Variants in SKIDA1 observed in about 807,000 individuals in gnomAD.
SKIDA1 encodes the protein SKI/DACH domain-containing protein 1.
SKIDA1 carries 18 observed loss-of-function variants against 51.4 expected under a neutral mutation model. The observed-to-expected ratio is 0.35, with a 90% CI of 0.24 to 0.52. SKIDA1 has a LOEUF of 0.52. Among genes scored for constraint, SKIDA1 ranks in the 20% least tolerant of loss-of-function variants. The probability of loss-of-function intolerance (pLI) is 0.95; values close to 1 mark genes in which losing one functional copy is unlikely to be tolerated. For missense variants in SKIDA1, 1,104 were observed against 1,180.6 expected (o/e 0.94, Z 0.95); for synonymous variants, 579 against 500.5 (o/e 1.16, Z -2.09).
At chr10:21,523,005 G>A (rs946486780) in intron 2 of SKIDA1, among the ~76,000 whole-genome samples, 1 of 152,184 alleles carries the variant, frequency 6.6e-6, no homozygotes, top group Non-Finnish European at 1.5e-5. Context: ...TTTTACACAG[G>A]TGAGCAATAG....
At chr10:21,520,038 A>G (rs1051186785) in intron 3 of SKIDA1, among the ~76,000 whole-genome samples, 4 of 152,220 alleles carry the variant, frequency 2.6e-5, no homozygotes, top group African/African-American at 7.2e-5. Flanking sequence ...TAATCAATGT[A>G]TGTACAAACC....
Position 21,517,880 on chromosome 10 carries a change from C to A in SKIDA1, c.-58G>T. On this transcript the variant is annotated 5_prime_UTR_variant, in exon 4 of 4. Coordinates refer to ENST00000449193, the MANE Select transcript of SKIDA1 (RefSeq NM_207371.4). The surrounding 1 kb of genome is among the most constrained non-coding windows in gnomAD (Gnocchi z 6.9). ...TAAATATATACGTGACGCATACATA[C>A]ACATGTATGTATGTTAATCCTCAGC... is the stretch of plus-strand genomic sequence containing the variant. 1 of 1,441,628 alleles carries A rather than the reference C, an allele frequency of 6.9e-7. No individual in the cohort carries two copies. Among genetic ancestry groups the A allele is most frequent in the Admixed American group, 2.1e-5 (1 of 47,068 alleles). The allele number at this position is 1,441,628 out of a possible 1,614,324, so 89.3% of individuals were successfully genotyped here.
At chr10:21,524,975 T>C (rs1329224181) in intron 1 of SKIDA1, among the ~76,000 whole-genome samples, 1 of 152,168 alleles carries the variant, frequency 6.6e-6, no homozygotes, top group African/African-American at 2.4e-5. Flanking sequence ...GAGGCAGATA[T>C]AGACTAAATA....
chr10:21,523,942 C>T (rs1183781744), intron 1 of SKIDA1, 71 bp from the exon 2 acceptor site: 1 of 150,446 alleles, frequency 6.6e-6, no homozygotes, highest in Non-Finnish European at 1.5e-5. Context: ...ACACAAGTAT[C>T]ATTTCATATT....
intron 1 of SKIDA1, among the ~76,000 whole-genome samples, chr10:21,525,199 G>C: frequency 6.6e-6 from 1 of 152,162 alleles, no homozygotes; most frequent in African/African-American, 2.4e-5. Flanking sequence ...TACTATTTAG[G>C]TCGAAAAATG....
chr10:21,521,719 TA>T (rs2032401443), intron 2 of SKIDA1, among the ~76,000 whole-genome samples: 1 of 151,254 alleles, frequency 6.6e-6, no homozygotes, highest in Non-Finnish European at 1.5e-5. Flanking sequence ...GAGGAATGCC[TA>T]ATCTACACAC....
intron 2 of SKIDA1, among the ~76,000 whole-genome samples, chr10:21,523,192 C>G (rs1377804264): frequency 1.3e-5 from 2 of 148,954 alleles, no homozygotes; most frequent in Non-Finnish European, 3.0e-5. Flanking sequence ...ACCCTAGTGA[C>G]CAAGGAAGGA....
In SKIDA1 at chr10:21,519,256, G is replaced by A. The variant is rs543860663; in HGVS notation, c.-1434C>T. On this transcript the variant is annotated 5_prime_UTR_variant, in exon 4 of 4. Coordinates refer to ENST00000449193, the MANE Select transcript of SKIDA1 (RefSeq NM_207371.4). ...CAATGAAAAGAAAGTGCTGATGTAC[G>A]ATGCAGACTGTTTCAGTGGTTTGTG... 1 of 167,194 alleles carries A rather than the reference G, an allele frequency of 6.0e-6. No individual in the cohort carries two copies. Among genetic ancestry groups the A allele is most frequent in the African/African-American group, 2.4e-5 (1 of 41,570 alleles). The allele number at this position is 167,194 out of a possible 1,614,324, so 10.4% of individuals were successfully genotyped here.
intron 2 of SKIDA1, among the ~76,000 whole-genome samples, chr10:21,522,675 T>G (rs2032437223): frequency 6.6e-6 from 1 of 152,204 alleles, no homozygotes; most frequent in Non-Finnish European, 1.5e-5. Flanking sequence ...TAATTTTTTT[T>G]CTTTCTGGTT....
chr10:21,525,134 T>G (rs554435847), intron 1 of SKIDA1, among the ~76,000 whole-genome samples: 1 of 152,208 alleles, frequency 6.6e-6, no homozygotes, highest in Non-Finnish European at 1.5e-5. Flanking sequence ...ACTTTCTTGC[T>G]GTTTGAAGGG....
chr10:21,517,075 C>T lies in SKIDA1; in HGVS notation c.748G>A (p.Ala250Thr), dbSNP rs2032253313. 3.8e-5 allele frequency: 38 copies of T among 994,290 alleles called. No individual in the cohort carries two copies. Among genetic ancestry groups the T allele is most frequent in the Non-Finnish European group, 4.4e-5 (37 of 840,076 alleles). The allele number at this position is 994,290 out of a possible 1,614,324, so 61.6% of individuals were successfully genotyped here. The change falls in exon 4 of 4, where the codon GCG becomes ACG. Residue 250 changes from alanine (A) to threonine (T), a missense_variant. This residue lies in a region of SKIDA1 where 938 missense variants were observed against 886.4 expected (regional missense o/e 1.06). Transcript: ENST00000449193. The surrounding 1 kb of genome is among the most constrained non-coding windows in gnomAD (Gnocchi z 6.9). Reference sequence around the variant, plus strand: ...GCTGCCTTGGGCTGGGGCCCGGCCGCCGATACCTGGTAATAGGCGGCGGCG... The same window carrying T: ...GCTGCCTTGGGCTGGGGCCCGGCCGTCGATACCTGGTAATAGGCGGCGGCG... The part of the protein sequence containing the change: ...AAAAAYYQVS[A>T]AGPQPKAAAG...
Position 21,523,665 on chromosome 10 carries a change from C to T in SKIDA1, c.-1929+18G>A, listed in dbSNP as rs1002941635. The T allele has an allele frequency of 2.0e-5, 3 of 152,106 alleles. No individual in the cohort carries two copies. Among genetic ancestry groups the T allele is most frequent in the African/African-American group, 7.2e-5 (3 of 41,396 alleles). 9.4% of individuals were successfully genotyped at this position (152,106 alleles called of 1,614,324 possible). A position where few individuals can be genotyped will look rare whatever the true frequency, so the allele number is the denominator to read the frequency against. ...ACATATAGAGACTGAAGTGGTGACACCAAGTGTTGAGGCCTACCTATGGGC... is the reference window on the plus strand; with the variant it reads ...ACATATAGAGACTGAAGTGGTGACATCAAGTGTTGAGGCCTACCTATGGGC... On this transcript the variant is annotated intron_variant, in intron 2 of 3. Coordinates refer to ENST00000449193, the MANE Select transcript of SKIDA1 (RefSeq NM_207371.4).
rs760417503 is a variant in SKIDA1, at chr10:21,515,840, T to A, written c.1983A>T (p.Gly661=). 2.5e-6 allele frequency: 4 copies of A among 1,613,926 alleles called. No homozygotes were observed. Among genetic ancestry groups the A allele is most frequent in the Non-Finnish European group, 3.4e-6 (4 of 1,179,882 alleles). Reference sequence around the variant, plus strand: ...GATTCTCGGCTTTAGTTGCTGCTGCTCCTGCAGCGTTCACTTCAGGATCAG... The same window carrying A: ...GATTCTCGGCTTTAGTTGCTGCTGCACCTGCAGCGTTCACTTCAGGATCAG... ...SQTDPEVNAA[G]AAATKAENPC... The change falls in exon 4 of 4, where the codon GGA becomes GGT. Residue 661 remains glycine (G), a synonymous_variant. Transcript: ENST00000449193.
chr10:21,514,492 T>TA lies in SKIDA1; in HGVS notation c.*603dup, dbSNP rs66955492. On this transcript the variant is annotated 3_prime_UTR_variant, in exon 4 of 4. Coordinates refer to ENST00000449193, the MANE Select transcript of SKIDA1 (RefSeq NM_207371.4). ...AGGACTCACACCCCAATCTTTCCAC[T>TA]AAAAAAAAAAAAAAAAAGTTAAGTG... The TA allele has an allele frequency of 0.42, 51,664 of 123,882 alleles. 9,958 individuals carry two copies. The highest frequency in any genetic ancestry group is 0.61 in the Middle Eastern group (151 of 248). 7.7% of individuals were successfully genotyped at this position (123,882 alleles called of 1,614,324 possible).
Position 21,516,006 on chromosome 10 carries a change from G to C in SKIDA1, c.1817C>G (p.Pro606Arg), listed in dbSNP as rs778871826. 3 of 1,613,884 alleles carry C rather than the reference G, an allele frequency of 1.9e-6. No homozygotes were observed. Among genetic ancestry groups the C allele is most frequent in the Non-Finnish European group, 2.5e-6 (3 of 1,179,900 alleles). ...GTTGTTATCTGCACAGTGTGTAGTAGGAGTTGTTTGTAGGCATTTCCTAGC... is the reference window on the plus strand; with the variant it reads ...GTTGTTATCTGCACAGTGTGTAGTACGAGTTGTTTGTAGGCATTTCCTAGC... ...REARKCLQTT[P>R]TTHCADNNTI... The change falls in exon 4 of 4, where the codon CCT becomes CGT. Residue 606 changes from proline to arginine, a missense_variant. Coordinates refer to ENST00000449193, the MANE Select transcript of SKIDA1 (RefSeq NM_207371.4). The surrounding 1 kb of genome is among the most constrained non-coding windows in gnomAD (Gnocchi z 5.7).
Position 21,514,198 on chromosome 10 carries a change from C to T in SKIDA1, c.*898G>A, listed in dbSNP as rs546533266. The T allele has an allele frequency of 3.2e-4, 38 of 118,468 alleles. No homozygotes were observed. The highest frequency in any genetic ancestry group is 1.2e-3 in the African/African-American group (37 of 29,880). The allele number at this position is 118,468 out of a possible 1,614,324, so 7.3% of individuals were successfully genotyped here. On this transcript the variant is annotated 3_prime_UTR_variant, in exon 4 of 4. Coordinates refer to ENST00000449193, the MANE Select transcript of SKIDA1 (RefSeq NM_207371.4). ...CCACTGCACTCCAGCCTGGGCGACA[C>T]AGCGAGACTCTCTCCAAAAAAAAAA... is the stretch of plus-strand genomic sequence containing the variant.
In SKIDA1 at chr10:21,516,334, C is replaced by T. The variant is rs376500574; in HGVS notation, c.1489G>A (p.Ala497Thr). 7.3e-5 allele frequency: 117 copies of T among 1,613,632 alleles called. No individual in the cohort carries two copies. In the African/African-American group the frequency reaches 1.4e-3, roughly 19 times the overall value. Reference sequence around the variant, plus strand: ...AGTCTGCCGGCATCCTCGAAAGCAGCGGGTTTGGTTGCAGCGGCGGCGGAG... The same window carrying T: ...AGTCTGCCGGCATCCTCGAAAGCAGTGGGTTTGGTTGCAGCGGCGGCGGAG... ...LASAAAATKP[A>T]AFEDAGRLPD... The change falls in exon 4 of 4, where the codon GCT becomes ACT. Residue 497 changes from alanine to threonine, a missense_variant. Ala to Thr is a moderately conservative substitution (Grantham distance 58). Coordinates refer to ENST00000449193, the MANE Select transcript of SKIDA1 (RefSeq NM_207371.4). The surrounding 1 kb of genome is among the most constrained non-coding windows in gnomAD (Gnocchi z 5.7).
At position 21,517,169 on chromosome 10, in the gene SKIDA1, C is replaced by T. The variant is rs751205037; in HGVS notation, c.654G>A (p.Leu218=). 10 of 1,416,278 alleles carry T rather than the reference C, an allele frequency of 7.1e-6. No individual in the cohort carries two copies. Among genetic ancestry groups the T allele is most frequent in the Non-Finnish European group, 8.4e-6 (9 of 1,077,546 alleles). 87.7% of individuals were successfully genotyped at this position (1,416,278 alleles called of 1,614,324 possible). A position where few individuals can be genotyped will look rare whatever the true frequency, so the allele number is the denominator to read the frequency against. Residue 218 remains leucine (L), a synonymous_variant, in exon 4 of 4, where the codon CTG becomes CTA. Transcript: ENST00000449193. The surrounding 1 kb of genome is among the most constrained non-coding windows in gnomAD (Gnocchi z 6.9). The part of the protein sequence containing the change: ...PSDPAYFRSL[L]CSKHPAAAAA... ...CGGCGGCTGCCGGGTGTTTGCTGCACAGCAGGCTCCGAAAATAAGCAGGGT... is the reference window on the plus strand; with the variant it reads ...CGGCGGCTGCCGGGTGTTTGCTGCATAGCAGGCTCCGAAAATAAGCAGGGT...
At position 21,516,716 on chromosome 10, in the gene SKIDA1, C is replaced by A; in HGVS notation, c.1107G>T (p.Gln369His). The change falls in exon 4 of 4, where the codon CAG becomes CAT. Residue 369 changes from glutamine (Q) to histidine (H), a missense_variant. Physicochemically the swap from Gln to His is conservative, Grantham distance 24 (BLOSUM62 0). Coordinates refer to ENST00000449193, the MANE Select transcript of SKIDA1 (RefSeq NM_207371.4). The surrounding 1 kb of genome is among the most constrained non-coding windows in gnomAD (Gnocchi z 5.7). ...TCTCGGGAAAGCTGCCCAGATGGGG[C>A]TGCGGCCGGTGGTGGTGAGGGGGGT... ...SHHPPHHHRP[Q>H]PHLGSFPESC... The A allele has an allele frequency of 6.4e-7, 1 of 1,550,968 alleles. No homozygotes were observed. Among genetic ancestry groups the A allele is most frequent in the Non-Finnish European group, 8.7e-7 (1 of 1,146,774 alleles).
Sources: gnomAD v4.1 joint callset for allele counts (sites outside exome capture counted in the v4.1 genomes callset) on GRCh38, gnomAD v4.1.1 for gene constraint, gnomAD v4.1.1 regional missense constraint, Gnocchi (gnomAD v3.1) non-coding constraint, MANE v1.5 for transcripts, NCBI Gene and HGNC (gene_info 2026-07-23, HGNC 2026-07-21) for gene names.